Variants in DYM observed in about 807,000 individuals in gnomAD.
DYM encodes dymeclin.
DYM carries 78 observed loss-of-function variants against 93.1 expected under a neutral mutation model. The ratio of observed to expected loss-of-function variants is 0.84; its 90% confidence interval spans 0.70 to 1.01. The LOEUF (loss-of-function observed/expected upper bound fraction) is 1.01, where lower values mean the gene tolerates loss of function less well. Ranked by LOEUF, DYM falls within the 50% of genes least tolerant of loss-of-function variation. The pLI, the probability that DYM is intolerant of heterozygous loss-of-function variation, is 0.00. For synonymous variants in DYM, 321 were observed against 319.7 expected (o/e 1.00, Z -0.04); for missense variants, 789 against 845.0 (o/e 0.93, Z 0.82).
intron 11 of DYM, among the ~76,000 whole-genome samples, chr18:49,261,238 T>C (rs534903402): frequency 1.3e-5 from 2 of 152,334 alleles, no homozygotes; most frequent in Admixed American, 1.3e-4. Context: ...TTCACTCGTT[T>C]AACTCTCTGG....
rs763380940 is a variant in DYM, at chr18:49,163,744, G to T, written c.1669C>A (p.Gln557Lys). 6.2e-7 allele frequency: 1 copy of T among 1,612,610 alleles called. No homozygotes were observed. Among genetic ancestry groups the T allele is most frequent in the Non-Finnish European group, 8.5e-7 (1 of 1,179,208 alleles). ...GAACCTCTCAAGGACTGTGTGGCTT[G>T]TTCCAGAACTTTGTTGTGTTTTTTA... ...LSKKHNKVLE[Q>K]ATQSLRGSLS... The change falls in exon 15 of 18, where the codon CAA becomes AAA. Residue 557 changes from glutamine to lysine, a missense_variant. Around this residue, in one of 3 missense-constraint regions of DYM, gnomAD observed 225 missense variants for 303.0 expected, o/e 0.74. Transcript: ENST00000675505.
intron 16 of DYM, among the ~76,000 whole-genome samples, chr18:49,111,157 G>A (rs1005924027): frequency 4.6e-5 from 7 of 151,816 alleles, no homozygotes; most frequent in African/African-American, 1.7e-4. Flanking sequence ...TTTAAGTTTT[G>A]TGGGTCCCAA....
intron 10 of DYM, 55 bp from the exon 11 acceptor site, chr18:49,272,358 G>T: frequency 1.7e-6 from 2 of 1,172,480 alleles, no homozygotes; most frequent in Non-Finnish European, 2.5e-6. Flanking sequence ...AAATCCAAAT[G>T]TTTTAAATCT....
intron 2 of DYM, among the ~76,000 whole-genome samples, chr18:49,400,054 C>A (rs2070634921): frequency 6.8e-6 from 1 of 147,396 alleles, no homozygotes; most frequent in Non-Finnish European, 1.5e-5. Flanking sequence ...AATCCTCCTG[C>A]CTCAGCCTCC....
At chr18:49,119,664 G>A (rs571607202) in intron 15 of DYM, among the ~76,000 whole-genome samples, 1 of 152,138 alleles carries the variant, frequency 6.6e-6, no homozygotes, top group East Asian at 1.9e-4. Flanking sequence ...GGTGGTTAAG[G>A]GATTTAAAAG....
intron 17 of DYM, among the ~76,000 whole-genome samples, chr18:49,081,525 AGGG>A (rs1368221433): frequency 3.9e-3 from 6 of 1,556 alleles, no homozygotes; most frequent in South Asian, 0.071. Context: ...CGAGAGGGAG[AGGG>A]GAGAGGGGAG....
chr18:49,048,271 T>C (rs357855), intron 17 of DYM: 151,563 of 152,308 alleles, frequency 1, 75,419 homozygotes, highest in Middle Eastern at 1. Flanking sequence ...ATAATGGAGA[T>C]GAAAATCCTA....
intron 8 of DYM, chr18:49,321,148 A>G (rs2062454756): frequency 2.7e-6 from 1 of 376,322 alleles, no homozygotes; most frequent in Admixed American, 4.5e-5. Flanking sequence ...TTTCAATTTT[A>G]ATATTCTCAC....
At chr18:49,105,345 T>C (rs926530989) in intron 16 of DYM, among the ~76,000 whole-genome samples, 11 of 152,218 alleles carry the variant, frequency 7.2e-5, no homozygotes, top group Non-Finnish European at 1.6e-4. Context: ...TTGTTGATCT[T>C]TTCAAAAAAC....
intron 17 of DYM, among the ~76,000 whole-genome samples, chr18:49,069,736 C>T (rs2076737037): frequency 6.6e-6 from 1 of 152,070 alleles, no homozygotes; most frequent in African/African-American, 2.4e-5. Flanking sequence ...AACCAGATGG[C>T]TAAGCTTATT....
At chr18:49,129,930 C>T (rs1367872000) in intron 15 of DYM, among the ~76,000 whole-genome samples, 1 of 152,156 alleles carries the variant, frequency 6.6e-6, no homozygotes, top group Non-Finnish European at 1.5e-5. Context: ...CTCTCACCTC[C>T]AGGACATAGA....
At chr18:49,077,376 T>A (rs777306197) in intron 17 of DYM, among the ~76,000 whole-genome samples, 1 of 152,246 alleles carries the variant, frequency 6.6e-6, no homozygotes, top group Non-Finnish European at 1.5e-5. Flanking sequence ...TCTAATTTTT[T>A]AAACTTATTG....
intron 16 of DYM, among the ~76,000 whole-genome samples, chr18:49,104,014 T>A (rs2080491372): frequency 6.6e-6 from 1 of 152,200 alleles, no homozygotes. Context: ...GTATGGCCAT[T>A]ATCACGATAT....
chr18:49,077,427 G>T (rs1336296808), intron 17 of DYM, among the ~76,000 whole-genome samples: 1 of 152,196 alleles, frequency 6.6e-6, no homozygotes, highest in Non-Finnish European at 1.5e-5. Context: ...ATCTTGGTAA[G>T]GGTGTTATAT....
chr18:49,365,148 T>C (rs1253114987), intron 5 of DYM, among the ~76,000 whole-genome samples: 1 of 151,184 alleles, frequency 6.6e-6, no homozygotes, highest in Non-Finnish European at 1.5e-5. Flanking sequence ...ATCAAAGCAC[T>C]TGGAGTCTCA....
chr18:49,092,973 G>A (rs1248610497), intron 17 of DYM, among the ~76,000 whole-genome samples: 1 of 152,208 alleles, frequency 6.6e-6, no homozygotes, highest in African/African-American at 2.4e-5. Context: ...TGAATAAGGA[G>A]AGTTGAAGGA....
intron 14 of DYM, among the ~76,000 whole-genome samples, chr18:49,176,064 G>T (rs185661707): frequency 6.6e-6 from 1 of 152,172 alleles, no homozygotes; most frequent in African/African-American, 2.4e-5. Flanking sequence ...ATACAACATG[G>T]CAAAGTATTG....
At chr18:49,445,651 A>C (rs1235596958) in intron 1 of DYM, among the ~76,000 whole-genome samples, 5 of 152,160 alleles carry the variant, frequency 3.3e-5, no homozygotes, top group Non-Finnish European at 7.4e-5. Flanking sequence ...TTACACTGTC[A>C]AGTCAGGCAT....
At chr18:49,221,349 G>A (rs1339097693) in intron 13 of DYM, among the ~76,000 whole-genome samples, 4 of 152,152 alleles carry the variant, frequency 2.6e-5, no homozygotes, top group Admixed American at 6.5e-5. Flanking sequence ...TCGGTGTGGC[G>A]ATTCCTCAGG....
Sources: allele counts gnomAD v4.1 joint callset (sites outside exome capture counted in the v4.1 genomes callset), GRCh38; gene constraint gnomAD v4.1.1; regional missense constraint gnomAD v4.1.1; transcripts MANE v1.5; gene names NCBI Gene and HGNC (gene_info 2026-07-23, HGNC 2026-07-21).